DACH2: variants seen among roughly 807,000 people sequenced by gnomAD.
DACH2 encodes the protein dachshund family transcription factor 2, also known as dachshund homolog 2.
In DACH2, 17 loss-of-function variants were observed where a neutral mutation model predicts 35.8. That is an observed-to-expected ratio of 0.48 (90% CI 0.33 to 0.71). The LOEUF is 0.71. Ranked by LOEUF, DACH2 falls within the 30% of genes least tolerant of loss-of-function variation. The probability of loss-of-function intolerance (pLI) is 0.02; values close to 1 mark genes in which losing one functional copy is unlikely to be tolerated. For synonymous variants in DACH2, 195 were observed against 177.3 expected, an observed-to-expected ratio of 1.10 and a Z score of -0.79; for missense variants, 469 against 472.7, an observed-to-expected ratio of 0.99 and a Z score of 0.07.
At chrX:86,475,824 C>T (rs556257909) in intron 2 of DACH2, among the ~76,000 whole-genome samples, 2 of 111,534 alleles carry the variant, frequency 1.8e-5, no homozygotes, top group African/African-American at 3.3e-5. Context: ...GTGGTTCTAT[C>T]GTATATGGCT....
At chrX:86,668,400 C>G (rs768698671) in intron 4 of DACH2, among the ~76,000 whole-genome samples, 114 of 112,209 alleles carry the variant, frequency 1.0e-3, no homozygotes, top group Admixed American at 2.6e-3. Flanking sequence ...TATAACTTTT[C>G]TGATCTTTGA....
intron 9 of DACH2, among the ~76,000 whole-genome samples, chrX:86,814,309 C>CCTGAT (rs745733916): frequency 8.9e-6 from 1 of 111,889 alleles, no homozygotes; most frequent in African/African-American, 3.2e-5. Flanking sequence ...TAATCAGTAA[C>CCTGAT]CTGATGAATA....
chrX:86,809,693 AT>A (rs1312409779), intron 7 of DACH2, among the ~76,000 whole-genome samples: 1 of 111,418 alleles, frequency 9.0e-6, no homozygotes, highest in Non-Finnish European at 1.9e-5. Flanking sequence ...CTTCTTCTTT[AT>A]GGCCCTTTTT....
At chrX:86,758,160 T>C (rs1165645499) in intron 7 of DACH2, among the ~76,000 whole-genome samples, 2 of 111,680 alleles carry the variant, frequency 1.8e-5, no homozygotes, top group Non-Finnish European at 3.8e-5. Flanking sequence ...TTGTTCCTGG[T>C]TAATGTAGCA....
intron 1 of DACH2, among the ~76,000 whole-genome samples, chrX:86,286,839 G>A (rs1354892536): frequency 8.9e-6 from 1 of 111,783 alleles, no homozygotes; most frequent in African/African-American, 3.3e-5. Context: ...GTCTGAAAAT[G>A]TAGTTGTAGT....
intron 4 of DACH2, among the ~76,000 whole-genome samples, chrX:86,659,825 A>G (rs1047692051): frequency 7.2e-5 from 8 of 111,191 alleles, no homozygotes; most frequent in Admixed American, 9.7e-5. Context: ...CTTCATTATT[A>G]TAATTCTTGA....
At chrX:86,450,305 T>G (rs1033482452) in intron 2 of DACH2, among the ~76,000 whole-genome samples, 4 of 111,297 alleles carry the variant, frequency 3.6e-5, no homozygotes, top group African/African-American at 1.3e-4. Flanking sequence ...CTCCCACTTA[T>G]AAGTGAGAAC....
intron 3 of DACH2, among the ~76,000 whole-genome samples, chrX:86,571,198 A>C (rs913733609): frequency 9.0e-6 from 1 of 111,264 alleles, no homozygotes; most frequent in African/African-American, 3.3e-5. Context: ...AATCTTTTCC[A>C]CAGGGAATTA....
intron 5 of DACH2, among the ~76,000 whole-genome samples, chrX:86,698,893 A>G (rs867232019): frequency 9.0e-6 from 1 of 111,305 alleles, no homozygotes; most frequent in East Asian, 2.8e-4. Context: ...TAAAAACAAC[A>G]TAAGCAGGAG....
chrX:86,210,557 G>A (rs2032421286), intron 1 of DACH2, among the ~76,000 whole-genome samples: 1 of 111,732 alleles, frequency 8.9e-6, no homozygotes, highest in Non-Finnish European at 1.9e-5. Flanking sequence ...TTCTTTGATA[G>A]TGAATTAAAA....
chrX:86,442,756 C>T (rs772103187), intron 2 of DACH2, among the ~76,000 whole-genome samples: 2 of 111,458 alleles, frequency 1.8e-5, no homozygotes, highest in South Asian at 7.5e-4. Flanking sequence ...CTTCTAGCTT[C>T]ATTCCTCTGC....
intron 1 of DACH2, among the ~76,000 whole-genome samples, chrX:86,275,659 A>T (rs1488467512): frequency 9.0e-6 from 1 of 111,250 alleles, no homozygotes; most frequent in African/African-American, 3.3e-5. Flanking sequence ...TTCTTTCTAT[A>T]TTTTCTGTAC....
intron 11 of DACH2, among the ~76,000 whole-genome samples, chrX:86,821,005 A>T (rs2147361551): frequency 9.0e-6 from 1 of 111,551 alleles, no homozygotes; most frequent in South Asian, 3.7e-4. Flanking sequence ...CAGAAAAAAT[A>T]AATCGCATAT....
chrX:86,469,842 T>TTG (rs59130472), intron 2 of DACH2, among the ~76,000 whole-genome samples: 3,565 of 102,962 alleles, frequency 0.035, 72 homozygotes, highest in African/African-American at 0.073. Flanking sequence ...CTGTGTGTGT[T>TTG]TGTGTGTGTG....
intron 3 of DACH2, among the ~76,000 whole-genome samples, chrX:86,635,585 A>G (rs73245382): frequency 0.12 from 13,721 of 110,974 alleles, 739 homozygotes; most frequent in East Asian, 0.32. Flanking sequence ...AGAGGAGGTC[A>G]AGCAATCTCT....
chrX:86,529,871 C>G (rs936155384), intron 3 of DACH2, among the ~76,000 whole-genome samples: 2 of 108,911 alleles, frequency 1.8e-5, no homozygotes, highest in African/African-American at 6.7e-5. Context: ...ACGTAATGAC[C>G]TCCATTTCCA....
intron 3 of DACH2, among the ~76,000 whole-genome samples, chrX:86,584,704 T>A (rs2039546562): frequency 9.0e-6 from 1 of 111,001 alleles, no homozygotes. Flanking sequence ...TAGTTTAAAA[T>A]TTAATTTTAG....
intron 2 of DACH2, among the ~76,000 whole-genome samples, chrX:86,397,893 T>C (rs1290532518): frequency 1.8e-5 from 2 of 112,009 alleles, no homozygotes; most frequent in South Asian, 3.7e-4. Context: ...ATCAGGGTGA[T>C]GCTGTCCTCA....
At chrX:86,321,766 C>T (rs1474596185) in intron 1 of DACH2, among the ~76,000 whole-genome samples, 1 of 112,329 alleles carries the variant, frequency 8.9e-6, no homozygotes, top group East Asian at 2.8e-4. Flanking sequence ...AACATAGCAT[C>T]TCTGCATGTA....
Sources: gnomAD v4.1 joint callset for allele counts (sites outside exome capture counted in the v4.1 genomes callset) on GRCh38, gnomAD v4.1.1 for gene constraint, MANE v1.5 for transcripts, NCBI Gene and HGNC (gene_info 2026-07-23, HGNC 2026-07-21) for gene names.